EMP1: variants seen among roughly 807,000 people sequenced by gnomAD.
EMP1 encodes epithelial membrane protein 1.
In EMP1, 5 loss-of-function variants were observed where a neutral mutation model predicts 15.7. The ratio of observed to expected loss-of-function variants is 0.32; its 90% CI spans 0.17 to 0.67. The LOEUF is 0.67. Among genes scored for constraint, EMP1 ranks in the 30% least tolerant of loss-of-function variants. The pLI is 0.74. For synonymous variants in EMP1, 78 were observed against 76.7 expected (o/e 1.02, Z -0.09); for missense variants, 166 against 194.2 (o/e 0.85, Z 0.86).
chr12:13,212,022 A>G (rs1248626035), intron 2 of EMP1: 4 of 167,006 alleles, frequency 2.4e-5, no homozygotes, highest in Non-Finnish European at 1.3e-5. Context: ...GTCAGAGGAT[A>G]AGGAGGACAC....
chr12:13,202,058 A>G (rs1264610437), intron 1 of EMP1, among the ~76,000 whole-genome samples: 1 of 152,154 alleles, frequency 6.6e-6, no homozygotes, highest in African/African-American at 2.4e-5. Context: ...GGAGGCAGGC[A>G]GAAAGACCTA....
In EMP1 at chr12:13,211,914, AG is replaced by A; in HGVS notation, c.78+328del. ...AACCTGGAGGAGTGGTAGATGGCTG[AG>A]GTTTCTCTTAGTGAAAGAGGGAAGG... On this transcript the variant is annotated intron_variant, in intron 2 of 4. Coordinates refer to ENST00000256951, the MANE Select transcript of EMP1 (RefSeq NM_001423.3). The surrounding 1 kb of genome is among the most constrained non-coding windows in gnomAD (Gnocchi z 4.7). 3.1e-6 allele frequency: 1 copy of A among 319,868 alleles called. No homozygotes were observed. The highest frequency in any genetic ancestry group is 5.8e-6 in the Non-Finnish European group (1 of 172,230). The allele number at this position is 319,868 out of a possible 1,614,324, so 19.8% of individuals were successfully genotyped here. A position where few individuals can be genotyped will look rare whatever the true frequency, so the allele number is the denominator to read the frequency against.
intron 1 of EMP1, among the ~76,000 whole-genome samples, chr12:13,210,263 G>T (rs574702008): frequency 1.3e-5 from 2 of 152,150 alleles, no homozygotes; most frequent in African/African-American, 4.8e-5. Flanking sequence ...TGCAGGATGC[G>T]CCTGGCCATC....
chr12:13,215,068 C>A lies in EMP1; in HGVS notation c.*377C>A. 1 of 207,240 alleles carries A rather than the reference C, an allele frequency of 4.8e-6. No homozygotes were observed. Among genetic ancestry groups the A allele is most frequent in the Non-Finnish European group, 9.9e-6 (1 of 100,992 alleles). 12.8% of individuals were successfully genotyped at this position (207,240 alleles called of 1,614,324 possible). A position where few individuals can be genotyped will look rare whatever the true frequency, so the allele number is the denominator to read the frequency against. ...GACCTACTGCACTGAGTTAAAATAG[C>A]GGTACAAGTTCTGGCAAGAGCAGAT... On this transcript the variant is annotated 3_prime_UTR_variant, in exon 5 of 5. Transcript: ENST00000256951.
chr12:13,204,385 G>A (rs1718736190), intron 1 of EMP1, among the ~76,000 whole-genome samples: 1 of 152,176 alleles, frequency 6.6e-6, no homozygotes, highest in African/African-American at 2.4e-5. Flanking sequence ...TTTAATCCCA[G>A]TCTTTTCCTC....
At chr12:13,203,317 G>A (rs1027616654) in intron 1 of EMP1, among the ~76,000 whole-genome samples, 22 of 152,202 alleles carry the variant, frequency 1.4e-4, no homozygotes, top group Non-Finnish European at 1.9e-4. Context: ...TCACGCTTCC[G>A]TCCTCGCCCA....
chr12:13,212,109 G>A (rs926984351), intron 2 of EMP1, among the ~76,000 whole-genome samples: 3 of 152,220 alleles, frequency 2.0e-5, no homozygotes, highest in Admixed American at 6.5e-5. Context: ...AGAAGAGGAT[G>A]CCAGACTGAC....
In EMP1 at chr12:13,216,208, C is replaced by T; in HGVS notation, c.*1517C>T. 1 of 582,536 alleles carries T rather than the reference C, an allele frequency of 1.7e-6. No homozygotes were observed. Among genetic ancestry groups the T allele is most frequent in the Non-Finnish European group, 3.0e-6 (1 of 329,782 alleles). The allele number at this position is 582,536 out of a possible 1,614,324, so 36.1% of individuals were successfully genotyped here. A position where few individuals can be genotyped will look rare whatever the true frequency, so the allele number is the denominator to read the frequency against. On this transcript the variant is annotated 3_prime_UTR_variant, in exon 5 of 5. Coordinates refer to ENST00000256951, the MANE Select transcript of EMP1 (RefSeq NM_001423.3). Reference sequence around the variant, plus strand: ...CTTTATCGCCCTGAGAAGATCTACCCCAGGGAGAATCTGAGACATCTTGCC... The same window carrying T: ...CTTTATCGCCCTGAGAAGATCTACCTCAGGGAGAATCTGAGACATCTTGCC...
chr12:13,214,389 C>A, intron 4 of EMP1, 145 bp from the exon 5 acceptor site: 1 of 1,127,688 alleles, frequency 8.9e-7, no homozygotes, highest in Non-Finnish European at 1.2e-6. Context: ...AGGGGACATC[C>A]ATCAGAACTC....
rs1454366992 is a variant in EMP1, at chr12:13,216,508, A to T, written c.*1817A>T. The T allele has an allele frequency of 2.9e-6, 2 of 700,010 alleles. No homozygotes were observed. The highest frequency in any genetic ancestry group is 5.2e-6 in the Non-Finnish European group (2 of 383,708). The allele number at this position is 700,010 out of a possible 1,614,324, so 43.4% of individuals were successfully genotyped here. A position where few individuals can be genotyped will look rare whatever the true frequency, so the allele number is the denominator to read the frequency against. ...AGAAGGCTGTCTTAGTGCAAAAAAC[A>T]TACTTACATTTCAGACATATCCAAA... On this transcript the variant is annotated 3_prime_UTR_variant, in exon 5 of 5. Coordinates refer to ENST00000256951, the MANE Select transcript of EMP1 (RefSeq NM_001423.3).
chr12:13,203,881 C>T (rs1864087511), intron 1 of EMP1, among the ~76,000 whole-genome samples: 1 of 152,200 alleles, frequency 6.6e-6, no homozygotes, highest in African/African-American at 2.4e-5. Flanking sequence ...CCAATAGGTT[C>T]TCTCTCTCTC....
intron 1 of EMP1, among the ~76,000 whole-genome samples, chr12:13,210,694 C>T (rs993753525): frequency 6.6e-6 from 1 of 152,174 alleles, no homozygotes; most frequent in African/African-American, 2.4e-5. Flanking sequence ...TTTTAAAGCC[C>T]CCAGAACCAT....
At chr12:13,199,786 T>C (rs1362471892) in intron 1 of EMP1, among the ~76,000 whole-genome samples, 1 of 152,088 alleles carries the variant, frequency 6.6e-6, no homozygotes, top group East Asian at 1.9e-4. Context: ...CAAAATCAAC[T>C]TCCTTATAAC....
intron 1 of EMP1, among the ~76,000 whole-genome samples, chr12:13,197,270 C>T (rs899024867): frequency 6.6e-5 from 10 of 152,160 alleles, no homozygotes; most frequent in African/African-American, 2.4e-4. Flanking sequence ...TTCACCTCCT[C>T]CGTTTTGATT....
chr12:13,216,385 A>G lies in EMP1; in HGVS notation c.*1694A>G. The G allele has an allele frequency of 1.4e-6, 1 of 702,436 alleles. No individual in the cohort carries two copies. Among genetic ancestry groups the G allele is most frequent in the South Asian group, 1.5e-5 (1 of 67,580 alleles). The allele number at this position is 702,436 out of a possible 1,614,324, so 43.5% of individuals were successfully genotyped here. A position where few individuals can be genotyped will look rare whatever the true frequency, so the allele number is the denominator to read the frequency against. On this transcript the variant is annotated 3_prime_UTR_variant, in exon 5 of 5. Coordinates refer to ENST00000256951, the MANE Select transcript of EMP1 (RefSeq NM_001423.3). ...TTCTAGTTAAGGAAATGTTGAGGGC[A>G]AGCCACCAAATTACCTAGGCTGAGG...
intron 1 of EMP1, among the ~76,000 whole-genome samples, chr12:13,202,326 G>GC (rs1161488343): frequency 6.6e-6 from 1 of 152,156 alleles, no homozygotes; most frequent in Non-Finnish European, 1.5e-5. Context: ...CACTACATGT[G>GC]CCCACCAGGC....
chr12:13,200,735 A>G (rs1248426852), intron 1 of EMP1, among the ~76,000 whole-genome samples: 2 of 152,078 alleles, frequency 1.3e-5, no homozygotes, highest in Admixed American at 6.5e-5. Context: ...AAGCACAAAC[A>G]CCTGTGGTGA....
At chr12:13,214,265 C>T in intron 4 of EMP1, 2 of 597,758 alleles carry the variant, frequency 3.3e-6, no homozygotes, top group Non-Finnish European at 5.9e-6. Context: ...GACAGGACAG[C>T]TGGGTGGTAG....
At chr12:13,197,238 A>G (rs1304186330) in intron 1 of EMP1, among the ~76,000 whole-genome samples, 3 of 152,104 alleles carry the variant, frequency 2.0e-5, no homozygotes, top group Non-Finnish European at 4.4e-5. Context: ...TGGAAATGAC[A>G]TCGGGAACTG....
Sources: allele counts gnomAD v4.1 joint callset (sites outside exome capture counted in the v4.1 genomes callset), GRCh38; gene constraint gnomAD v4.1.1; non-coding constraint Gnocchi (gnomAD v3.1); transcripts MANE v1.5; gene names NCBI Gene and HGNC (gene_info 2026-07-23, HGNC 2026-07-21).